The following CFAP58 variants were observed in gnomAD, a reference collection of about 807,000 sequenced individuals.
CFAP58 encodes the protein cilia and flagella associated protein 58.
A neutral mutation model predicts 119.5 loss-of-function variants in CFAP58; 88 were observed. The observed-to-expected ratio is 0.74, with a 90% CI of 0.62 to 0.88. CFAP58 has a LOEUF of 0.88. Ranked by LOEUF, CFAP58 falls within the 40% of genes least tolerant of loss-of-function variation. The probability of loss-of-function intolerance (pLI) is 0.00; values close to 1 mark genes in which losing one functional copy is unlikely to be tolerated. For synonymous variants in CFAP58, 365 were observed against 366.3 expected (o/e 1.00, Z 0.04); for missense variants, 990 against 1,021.2 (o/e 0.97, Z 0.42).
At chr10:104,416,963 G>C (rs761795073) in intron 15 of CFAP58, among the ~76,000 whole-genome samples, 3 of 152,186 alleles carry the variant, frequency 2.0e-5, no homozygotes, top group African/African-American at 4.8e-5. Flanking sequence ...ACTGCATCTT[G>C]AGCCTTGCTA....
At chr10:104,343,774 A>C in the CFAP58 span, among the ~76,000 whole-genome samples, 2 of 152,232 alleles carry the variant, frequency 1.3e-5, no homozygotes, top group African/African-American at 4.8e-5. Flanking sequence ...AATTTGAGCT[A>C]GAGTCTCACT....
Position 104,454,300 on chromosome 10 carries a change from G to T in CFAP58, c.2511-122G>T, listed in dbSNP as rs1215473323. ...CTAATTAGATTTAAACAACTACCTT[G>T]TCTAAAACTAGAAGCTGTAATCAAA... On this transcript the variant is annotated intron_variant, in intron 17 of 17. Coordinates refer to ENST00000369704, the MANE Select transcript of CFAP58 (RefSeq NM_001008723.2). The T allele has an allele frequency of 3.8e-6, 3 of 797,866 alleles. No individual in the cohort carries two copies. In the East Asian group the frequency reaches 7.3e-5, roughly 20 times the overall value. 49.4% of individuals were successfully genotyped at this position (797,866 alleles called of 1,614,324 possible). A position where few individuals can be genotyped will look rare whatever the true frequency, so the allele number is the denominator to read the frequency against.
chr10:104,374,546 C>T (rs1269664906), intron 7 of CFAP58, among the ~76,000 whole-genome samples: 1 of 116,726 alleles, frequency 8.6e-6, no homozygotes, highest in African/African-American at 3.2e-5. Context: ...ATTTGAAAAA[C>T]AGAAATACAA....
At chr10:104,382,711 A>T (rs1011201343) in intron 9 of CFAP58, among the ~76,000 whole-genome samples, 7 of 152,136 alleles carry the variant, frequency 4.6e-5, no homozygotes, top group Non-Finnish European at 7.3e-5. Context: ...TGTTGGTTTT[A>T]TAAGTGTTTA....
intron 11 of CFAP58, among the ~76,000 whole-genome samples, chr10:104,395,216 T>C (rs1412847588): frequency 6.6e-6 from 1 of 152,216 alleles, no homozygotes; most frequent in East Asian, 1.9e-4. Flanking sequence ...CCATCAGGTG[T>C]CTACATAAAG....
intron 2 of CFAP58, among the ~76,000 whole-genome samples, chr10:104,360,896 T>A (rs1400402427): frequency 2.6e-5 from 4 of 152,174 alleles, no homozygotes; most frequent in Admixed American, 1.3e-4. Context: ...TTTGGGTTGA[T>A]TCCATGTCTT....
chr10:104,352,725 T>A (rs1001615557), upstream of CFAP58, among the ~76,000 whole-genome samples: 1 of 152,184 alleles, frequency 6.6e-6, no homozygotes, highest in African/African-American at 2.4e-5. Flanking sequence ...TATTGGAGAA[T>A]TAGAGGCGGC....
At chr10:104,369,501 C>T (rs1193793758) in intron 6 of CFAP58, among the ~76,000 whole-genome samples, 2 of 152,104 alleles carry the variant, frequency 1.3e-5, no homozygotes, top group South Asian at 2.1e-4. Context: ...GAGGGTCTGA[C>T]GCTGAAAAAC....
chr10:104,361,751 T>G (rs2014668591), intron 2 of CFAP58, among the ~76,000 whole-genome samples: 1 of 152,220 alleles, frequency 6.6e-6, no homozygotes, highest in African/African-American at 2.4e-5. Context: ...AGTGGCATGA[T>G]TGCAGCTCAC....
At chr10:104,341,243 A>G in the CFAP58 span, among the ~76,000 whole-genome samples, 4 of 151,830 alleles carry the variant, frequency 2.6e-5, no homozygotes, top group African/African-American at 9.7e-5. Context: ...AATATTCTTT[A>G]TATTATTTTA....
chr10:104,367,504 G>A (rs986583452), intron 5 of CFAP58, among the ~76,000 whole-genome samples: 4 of 151,646 alleles, frequency 2.6e-5, no homozygotes, highest in East Asian at 1.9e-4. Context: ...ACAGTGTGCC[G>A]CCTCCAGCAG....
intron 13 of CFAP58, among the ~76,000 whole-genome samples, chr10:104,402,486 C>T (rs766752519): frequency 2.0e-5 from 3 of 152,158 alleles, no homozygotes; most frequent in Non-Finnish European, 4.4e-5. Context: ...AATCTGCACC[C>T]CTGCAGCAGG....
At position 104,438,333 on chromosome 10, in the gene CFAP58, TG is replaced by T. The variant is rs1239220114; in HGVS notation, c.2257-9364del. Among the ~76,000 whole-genome samples the T allele has an allele frequency of 2.2e-3, 306 of 136,086 alleles. 12 individuals are homozygous for T. The highest frequency in any genetic ancestry group is 8.8e-3 in the African/African-American group (290 of 33,052). The allele number at this position is 136,086 out of a possible 152,430, so 89.3% of individuals were successfully genotyped here. A position where few individuals can be genotyped will look rare whatever the true frequency, so the allele number is the denominator to read the frequency against. On this transcript the variant is annotated intron_variant, in intron 15 of 17. Transcript: ENST00000369704. The stretch of plus-strand genomic sequence containing the variant: ...TCAATGGGAATTTTTATTGTTTTTT[TG>T]TTTTTTGTTTTTTGTTTTTTTTTTT...
In CFAP58 at chr10:104,354,623, C is replaced by A. The variant is rs191913049; in HGVS notation, c.9+717C>A. On this transcript the variant is annotated intron_variant, in intron 1 of 17. Transcript: ENST00000369704. ...CATTCACAGTCCCCATCCACTATGGCCCTACCCAAATCCTTCATGGCCCCA... is the reference window on the plus strand; with the variant it reads ...CATTCACAGTCCCCATCCACTATGGACCTACCCAAATCCTTCATGGCCCCA... Among the ~76,000 whole-genome samples, 403 of 152,244 alleles carry A rather than the reference C, an allele frequency of 2.6e-3. 1 individual carries two copies. The highest frequency in any genetic ancestry group is 0.01 in the Middle Eastern group (3 of 294).
chr10:104,401,490 G>T (rs1457422474), intron 13 of CFAP58, among the ~76,000 whole-genome samples: 5 of 152,180 alleles, frequency 3.3e-5, no homozygotes, highest in Non-Finnish European at 5.9e-5. Context: ...CATTACACAA[G>T]ATCTACTTTC....
intron 17 of CFAP58, among the ~76,000 whole-genome samples, chr10:104,453,794 G>GTGTGTGTT (rs1344087154): frequency 6.7e-6 from 1 of 149,908 alleles, no homozygotes. Flanking sequence ...GTGTGTGTGT[G>GTGTGTGTT]TGTATTTAAA....
chr10:104,359,768 C>T (rs1303778084), intron 2 of CFAP58, among the ~76,000 whole-genome samples: 1 of 152,164 alleles, frequency 6.6e-6, no homozygotes, highest in East Asian at 1.9e-4. Flanking sequence ...TGCACTCCAG[C>T]CTTGGCAACA....
At chr10:104,382,271 T>C (rs967019587) in intron 9 of CFAP58, 5 of 704,866 alleles carry the variant, frequency 7.1e-6, no homozygotes, top group Non-Finnish European at 1.3e-5. Context: ...GTCACAGGGC[T>C]GTGCCGGACA....
intron 3 of CFAP58, 24 bp from the exon 4 acceptor site, chr10:104,364,709 G>T: frequency 6.2e-7 from 1 of 1,610,688 alleles, no homozygotes; most frequent in Non-Finnish European, 8.5e-7. Context: ...CATTTAGTCT[G>T]ACTCCTGTGT....
Sources: allele counts gnomAD v4.1 joint callset (sites outside exome capture counted in the v4.1 genomes callset), GRCh38; gene constraint gnomAD v4.1.1; transcripts MANE v1.5; gene names NCBI Gene and HGNC (gene_info 2026-07-23, HGNC 2026-07-21).